PRRG4: variants seen among roughly 807,000 people sequenced by gnomAD.
The protein encoded by PRRG4 is transmembrane gamma-carboxyglutamic acid protein 4.
In PRRG4, 12 loss-of-function variants were observed where a neutral mutation model predicts 20.0. That is an observed-to-expected ratio of 0.60 (90% CI 0.38 to 0.97). The LOEUF is 0.97. PRRG4 is among the 50% of genes least tolerant of loss of function. PRRG4 has a pLI of 0.00. For synonymous variants in PRRG4, 94 were observed against 96.4 expected (o/e 0.98, Z 0.15); for missense variants, 199 against 265.1 (o/e 0.75, Z 1.73).
Position 32,849,426 on chromosome 11 carries a change from A to C in PRRG4, c.450-3870A>C, listed in dbSNP as rs191486158. 3.5e-3 allele frequency among the ~76,000 whole-genome samples: 538 copies of C among 152,232 alleles called. 6 individuals are homozygous for C. The highest frequency in any genetic ancestry group is 0.012 in the African/African-American group (519 of 41,534). On this transcript the variant is annotated intron_variant, in intron 5 of 5. Transcript: ENST00000257836. ...ATGCCTGTAATCCCAGCACTTTGGGAGGCCGAGACGGGCAGATCACGAGGT... is the reference window on the plus strand; with the variant it reads ...ATGCCTGTAATCCCAGCACTTTGGGCGGCCGAGACGGGCAGATCACGAGGT...
chr11:32,842,150 C>T (rs12799094), intron 5 of PRRG4, among the ~76,000 whole-genome samples: 1 of 151,948 alleles, frequency 6.6e-6, no homozygotes, highest in Non-Finnish European at 1.5e-5. Context: ...TGTTTCATAT[C>T]CAGATATAAA....
Position 32,854,424 on chromosome 11 carries a change from G to A in PRRG4, c.*897G>A, listed in dbSNP as rs1228686333. 3.3e-5 allele frequency: 5 copies of A among 152,146 alleles called. No individual in the cohort carries two copies. Among genetic ancestry groups the A allele is most frequent in the African/African-American group, 1.2e-4 (5 of 41,430 alleles). 9.4% of individuals were successfully genotyped at this position (152,146 alleles called of 1,614,324 possible). On this transcript the variant is annotated 3_prime_UTR_variant, in exon 6 of 6. Transcript: ENST00000257836. ...ACAAAAGAAATTAGCCAGACATGATGGCGGGTGCCTCTAATCCCAGCTACT... is the reference window on the plus strand; with the variant it reads ...ACAAAAGAAATTAGCCAGACATGATAGCGGGTGCCTCTAATCCCAGCTACT...
At chr11:32,846,273 G>T (rs1851129722) in intron 5 of PRRG4, among the ~76,000 whole-genome samples, 1 of 152,198 alleles carries the variant, frequency 6.6e-6, no homozygotes. Context: ...GCCTCTCAAA[G>T]TGCTAGGATT....
chr11:32,838,486 G>C (rs1193803469), intron 3 of PRRG4, among the ~76,000 whole-genome samples: 2 of 151,902 alleles, frequency 1.3e-5, no homozygotes, highest in Admixed American at 6.6e-5. Flanking sequence ...GACAAACTGA[G>C]GGCTTACCTC....
intron 2 of PRRG4, 30 bp from the exon 3 acceptor site, chr11:32,836,628 A>G (rs745370385): frequency 1.5e-6 from 2 of 1,343,530 alleles, no homozygotes; most frequent in South Asian, 1.3e-5. Context: ...TATTTGATCA[A>G]TGTTTAAGTC....
At chr11:32,849,424 G>A (rs1468242753) in intron 5 of PRRG4, among the ~76,000 whole-genome samples, 1 of 152,088 alleles carries the variant, frequency 6.6e-6, no homozygotes, top group African/African-American at 2.4e-5. Flanking sequence ...CAGCACTTTG[G>A]GAGGCCGAGA....
At chr11:32,839,022 C>T in intron 4 of PRRG4, 92 bp downstream of exon 4, 1 of 877,200 alleles carries the variant, frequency 1.1e-6, no homozygotes, top group Non-Finnish European at 1.9e-6. Context: ...GGTTGTTGCG[C>T]AACATACATA....
In PRRG4 at chr11:32,856,456, G is replaced by A. The variant is rs1457606695; in HGVS notation, c.*2929G>A. On this transcript the variant is annotated 3_prime_UTR_variant, in exon 6 of 6. Coordinates refer to ENST00000257836, the MANE Select transcript of PRRG4 (RefSeq NM_024081.6). The stretch of plus-strand genomic sequence containing the variant: ...GACAAATGCTTATAATGATTGAAGG[G>A]AAAGTATCTCAACATTGTATCAGTC... The A allele has an allele frequency of 6.6e-6, 1 of 152,144 alleles. No homozygotes were observed. Among genetic ancestry groups the A allele is most frequent in the Admixed American group, 6.5e-5 (1 of 15,268 alleles). The allele number at this position is 152,144 out of a possible 1,614,324, so 9.4% of individuals were successfully genotyped here. A position where few individuals can be genotyped will look rare whatever the true frequency, so the allele number is the denominator to read the frequency against.
intron 3 of PRRG4, among the ~76,000 whole-genome samples, chr11:32,837,547 T>C (rs200859982): frequency 1.5e-4 from 16 of 103,246 alleles, no homozygotes; most frequent in African/African-American, 6.5e-4. Context: ...TGATGATTAT[T>C]ATTATTATTA....
intron 5 of PRRG4, among the ~76,000 whole-genome samples, chr11:32,845,500 C>T (rs1358883117): frequency 6.6e-6 from 1 of 151,870 alleles, no homozygotes; most frequent in Non-Finnish European, 1.5e-5. Flanking sequence ...GGCGTGATGG[C>T]GGGTGCCTGT....
At position 32,830,161 on chromosome 11, in the gene PRRG4, CG is replaced by C. The variant is rs1271335777; in HGVS notation, c.-29del. The C allele has an allele frequency of 9.8e-6, 10 of 1,021,458 alleles. No individual in the cohort carries two copies. Among genetic ancestry groups the C allele is most frequent in the Non-Finnish European group, 1.1e-5 (9 of 854,360 alleles). The allele number at this position is 1,021,458 out of a possible 1,614,324, so 63.3% of individuals were successfully genotyped here. On this transcript the variant is annotated 5_prime_UTR_variant, in exon 1 of 6. The change abolishes the stop of an existing upstream ORF in the 5' untranslated region. Coordinates refer to ENST00000257836, the MANE Select transcript of PRRG4 (RefSeq NM_024081.6). The stretch of plus-strand genomic sequence containing the variant: ...GGCCCGGGGGCTGCTGGAACATGTG[CG>C]GGGGGACACAGGTACGAGGCCTGGC...
At chr11:32,830,344 G>A (rs896850798) in intron 1 of PRRG4, among the ~76,000 whole-genome samples, 164 bp from the exon 2 acceptor site, 2 of 152,224 alleles carry the variant, frequency 1.3e-5, no homozygotes, top group African/African-American at 4.8e-5. Flanking sequence ...CGCTCTCAGG[G>A]GCTGCTTCCT....
intron 3 of PRRG4, among the ~76,000 whole-genome samples, chr11:32,838,265 TG>T (rs966745092): frequency 2.6e-5 from 4 of 152,062 alleles, no homozygotes; most frequent in Non-Finnish European, 5.9e-5. Flanking sequence ...AAGACCAGCC[TG>T]GGCTTCACGA....
chr11:32,834,728 CT>C (rs550291501), intron 2 of PRRG4, among the ~76,000 whole-genome samples: 1,818 of 145,936 alleles, frequency 0.012, 30 homozygotes, highest in African/African-American at 0.041. Flanking sequence ...ATTTCACATT[CT>C]TTTTTTTTTT....
chr11:32,847,677 T>G (rs1851143565), intron 5 of PRRG4, among the ~76,000 whole-genome samples: 1 of 152,102 alleles, frequency 6.6e-6, no homozygotes, highest in Admixed American at 6.6e-5. Flanking sequence ...AAACAGGAAC[T>G]CAAACAGATA....
At chr11:32,832,216 C>A (rs980955843) in intron 2 of PRRG4, among the ~76,000 whole-genome samples, 1 of 152,068 alleles carries the variant, frequency 6.6e-6, no homozygotes, top group Non-Finnish European at 1.5e-5. Flanking sequence ...GTGGTGGAGA[C>A]ATAGAAATGA....
Position 32,836,747 on chromosome 11 carries a change from C to A in PRRG4, c.193C>A (p.Leu65Ile). 4 of 1,613,198 alleles carry A rather than the reference C, an allele frequency of 2.5e-6. No individual in the cohort carries two copies. The highest frequency in any genetic ancestry group is 3.4e-6 in the Non-Finnish European group (4 of 1,179,332). The change falls in exon 3 of 6, where the codon CTA becomes ATA. Residue 65 changes from leucine to isoleucine, a missense_variant. Coordinates refer to ENST00000257836, the MANE Select transcript of PRRG4 (RefSeq NM_024081.6). ...FDLELFTPGNLERECNEELCN... is the reference protein window; with the variant it reads ...FDLELFTPGNIERECNEELCN... ...TCTGGAGCTCTTCACTCCCGGCAACCTAGAAAGAGAGTGCAATGAAGAACT... is the reference window on the plus strand; with the variant it reads ...TCTGGAGCTCTTCACTCCCGGCAACATAGAAAGAGAGTGCAATGAAGAACT...
At chr11:32,837,201 T>G (rs1056743503) in intron 3 of PRRG4, among the ~76,000 whole-genome samples, 4 of 152,308 alleles carry the variant, frequency 2.6e-5, no homozygotes, top group Admixed American at 1.3e-4. Flanking sequence ...CAGGCTTCAA[T>G]CATTTATGAC....
upstream of PRRG4, chr11:32,829,870 C>G: frequency 1.0e-6 from 1 of 985,514 alleles, no homozygotes; most frequent in Non-Finnish European, 1.2e-6. Context: ...CAGGTAGGCC[C>G]GGCCCCCGGG....
Sources: allele counts gnomAD v4.1 joint callset (sites outside exome capture counted in the v4.1 genomes callset), GRCh38; gene constraint gnomAD v4.1.1; transcripts MANE v1.5; gene names NCBI Gene and HGNC (gene_info 2026-07-23, HGNC 2026-07-21).